Variants in COL11A1 observed in about 807,000 individuals in gnomAD.
COL11A1 encodes the protein collagen type XI alpha 1 chain.
In COL11A1, 74 loss-of-function variants were observed where a neutral mutation model predicts 265.2. The ratio of observed to expected loss-of-function variants is 0.28; its 90% CI spans 0.23 to 0.34. The LOEUF (loss-of-function observed/expected upper bound fraction) is 0.34. Ranked by LOEUF, COL11A1 falls within the 10% of genes least tolerant of loss-of-function variation. The probability of loss-of-function intolerance (pLI) is 1.00; values close to 1 mark genes in which losing one functional copy is unlikely to be tolerated. For synonymous variants in COL11A1, 816 were observed against 727.6 expected (o/e 1.12, Z -1.96); for missense variants, 2,165 against 2,263.6 (o/e 0.96, Z 0.88).
intron 4 of COL11A1, among the ~76,000 whole-genome samples, chr1:103,071,298 C>A (rs990327262): frequency 3.0e-4 from 45 of 151,840 alleles, no homozygotes; most frequent in African/African-American, 1.0e-3. Context: ...TGAGCAATGG[C>A]TATAACTTGC....
chr1:103,057,838 A>T (rs953894219), intron 4 of COL11A1, among the ~76,000 whole-genome samples: 3 of 152,158 alleles, frequency 2.0e-5, no homozygotes, highest in Non-Finnish European at 2.9e-5. Context: ...TTGTGGTTCC[A>T]TTTATAGAGT....
intron 63 of COL11A1, among the ~76,000 whole-genome samples, chr1:102,884,138 C>G (rs1650638887): frequency 6.6e-6 from 1 of 152,158 alleles, no homozygotes; most frequent in Non-Finnish European, 1.5e-5. Context: ...GTGAAAGCCG[C>G]TGAGGCAGTT....
intron 4 of COL11A1, among the ~76,000 whole-genome samples, chr1:103,054,667 C>T (rs1414534438): frequency 3.3e-5 from 5 of 151,854 alleles, no homozygotes; most frequent in African/African-American, 7.3e-5. Context: ...TTTGGGAGGC[C>T]GAGGTGGATG....
At chr1:103,076,844 T>C (rs893013059) in intron 3 of COL11A1, among the ~76,000 whole-genome samples, 13 of 152,154 alleles carry the variant, frequency 8.5e-5, no homozygotes, top group African/African-American at 3.1e-4. Context: ...CTCTACAGAC[T>C]GCCAGCCAAG....
intron 48 of COL11A1, among the ~76,000 whole-genome samples, chr1:102,921,052 C>T (rs1306373765): frequency 1.3e-5 from 2 of 152,124 alleles, no homozygotes; most frequent in Non-Finnish European, 2.9e-5. Flanking sequence ...AGAATATCAT[C>T]TTTATACAAT....
intron 37 of COL11A1, among the ~76,000 whole-genome samples, chr1:102,965,911 C>G (rs1158667251): frequency 6.6e-6 from 1 of 152,092 alleles, no homozygotes; most frequent in African/African-American, 2.4e-5. Flanking sequence ...ATTGTTTATA[C>G]AAAGGTAAAT....
chr1:102,907,026 G>A (rs1654061551), intron 54 of COL11A1, among the ~76,000 whole-genome samples: 1 of 151,980 alleles, frequency 6.6e-6, no homozygotes, highest in Non-Finnish European at 1.5e-5. Flanking sequence ...GTGTTAAATG[G>A]TTTTCAGTTT....
chr1:102,921,569 C>T lies in COL11A1; in HGVS notation c.3657G>A (p.Gly1219=), dbSNP rs777884988. 1 of 1,612,356 alleles carries T rather than the reference C, an allele frequency of 6.2e-7. No individual in the cohort carries two copies. The change falls in exon 48 of 67, where the codon GGG becomes GGA. Residue 1219 remains glycine, a splice_region_variant and synonymous_variant. Transcript: ENST00000370096. ...CTCTTGGGCCTGGAGGACCAGGTGGCCCCTGTAAGAGAGAAATATTGAGGT... is the reference window on the plus strand; with the variant it reads ...CTCTTGGGCCTGGAGGACCAGGTGGTCCCTGTAAGAGAGAAATATTGAGGT... ...KGENGDVGPM[G]PPGPPGPRGP...
chr1:102,976,459 C>T (rs1313738946), intron 35 of COL11A1, among the ~76,000 whole-genome samples: 1 of 151,830 alleles, frequency 6.6e-6, no homozygotes, highest in Non-Finnish European at 1.5e-5. Context: ...CCACCATGCC[C>T]AGCTAATTTT....
intron 57 of COL11A1, among the ~76,000 whole-genome samples, chr1:102,896,158 A>G (rs1354325674): frequency 6.6e-6 from 1 of 151,858 alleles, no homozygotes; most frequent in East Asian, 1.9e-4. Context: ...CTTTAGAAAT[A>G]TCACTGGATA....
At chr1:103,032,233 C>T (rs1375908152) in intron 4 of COL11A1, among the ~76,000 whole-genome samples, 1 of 152,056 alleles carries the variant, frequency 6.6e-6, no homozygotes, top group Non-Finnish European at 1.5e-5. Context: ...TATTTAATAA[C>T]TTAAAAGTCA....
chr1:102,988,384 A>G (rs1570954953), intron 29 of COL11A1, among the ~76,000 whole-genome samples: 1 of 152,182 alleles, frequency 6.6e-6, no homozygotes, highest in East Asian at 1.9e-4. Context: ...TTTGAGTAAT[A>G]ATAAAACTCT....
chr1:103,044,958 G>T (rs982550438), intron 4 of COL11A1, among the ~76,000 whole-genome samples: 1 of 152,080 alleles, frequency 6.6e-6, no homozygotes, highest in African/African-American at 2.4e-5. Context: ...AAGTTTCACT[G>T]ATTAAGAGAC....
Position 103,071,171 on chromosome 1 carries a change from C to T in COL11A1, c.651+3447G>A, listed in dbSNP as rs375883089. Reference sequence around the variant, plus strand: ...TGTCATATTCTACTCATTGCTTCCACGAAATAAATAATCTCCCCAAAGATG... The same window carrying T: ...TGTCATATTCTACTCATTGCTTCCATGAAATAAATAATCTCCCCAAAGATG... On this transcript the variant is annotated intron_variant, in intron 4 of 66. Coordinates refer to ENST00000370096, the MANE Select transcript of COL11A1 (RefSeq NM_001854.4). Among the ~76,000 whole-genome samples, 302 of 151,874 alleles carry T rather than the reference C, an allele frequency of 2.0e-3. 10 individuals carry two copies. In the South Asian group the frequency reaches 0.055, roughly 28 times the overall value.
intron 24 of COL11A1, chr1:103,001,278 TA>T (rs1665078706): frequency 2.5e-6 from 1 of 397,020 alleles, no homozygotes; most frequent in African/African-American, 2.1e-5. Context: ...TACACTTCGA[TA>T]AAGCTATTAG....
chr1:103,027,425 ATATATATATATATAT>A (rs1667623715), intron 5 of COL11A1, among the ~76,000 whole-genome samples: 1 of 131,628 alleles, frequency 7.6e-6, no homozygotes. Flanking sequence ...ATATATATAT[ATATATATATATATAT>A]ATATGCATGC....
At chr1:102,950,012 T>C (rs942945372) in intron 41 of COL11A1, among the ~76,000 whole-genome samples, 1 of 152,174 alleles carries the variant, frequency 6.6e-6, no homozygotes, top group African/African-American at 2.4e-5. Flanking sequence ...ATCTCTGCTC[T>C]TGGCTGGGCA....
chr1:103,082,201 A>T (rs867419151), intron 2 of COL11A1, among the ~76,000 whole-genome samples: 11 of 152,000 alleles, frequency 7.2e-5, no homozygotes, highest in Non-Finnish European at 1.0e-4. Flanking sequence ...CTGATATTTT[A>T]AAAAAATCTC....
intron 64 of COL11A1, among the ~76,000 whole-genome samples, chr1:102,882,227 A>C (rs1650340783): frequency 6.6e-6 from 1 of 152,180 alleles, no homozygotes; most frequent in Admixed American, 6.5e-5. Flanking sequence ...ATTGGAAGCA[A>C]CCTGAATTAC....
Sources: allele counts gnomAD v4.1 joint callset (sites outside exome capture counted in the v4.1 genomes callset), GRCh38; gene constraint gnomAD v4.1.1; transcripts MANE v1.5; gene names NCBI Gene and HGNC (gene_info 2026-07-23, HGNC 2026-07-21).